Variants in SRSF7 observed in about 807,000 individuals in gnomAD.
SRSF7 encodes serine/arginine-rich splicing factor 7.
SRSF7 carries 15 observed loss-of-function variants against 42.2 expected under a neutral mutation model. That is an observed-to-expected ratio of 0.36 (90% CI 0.24 to 0.55). The LOEUF (loss-of-function observed/expected upper bound fraction) is 0.55, where lower values mean the gene tolerates loss of function less well. Ranked by LOEUF, SRSF7 falls within the 20% of genes least tolerant of loss-of-function variation. The probability of loss-of-function intolerance (pLI) is 0.88; values close to 1 mark genes in which losing one functional copy is unlikely to be tolerated. For missense variants in SRSF7, 181 were observed against 305.9 expected, an observed-to-expected ratio of 0.59 and a Z score of 3.04; for synonymous variants, 138 against 107.9, an observed-to-expected ratio of 1.28 and a Z score of -1.73.
Position 38,745,053 on chromosome 2 carries a change from G to A in SRSF7, c.*80C>T. 1.4e-6 allele frequency: 2 copies of A among 1,398,548 alleles called. No individual in the cohort carries two copies. Among genetic ancestry groups the A allele is most frequent in the Non-Finnish European group, 2.0e-6 (2 of 997,360 alleles). The allele number at this position is 1,398,548 out of a possible 1,614,324, so 86.6% of individuals were successfully genotyped here. A position where few individuals can be genotyped will look rare whatever the true frequency, so the allele number is the denominator to read the frequency against. On this transcript the variant is annotated 3_prime_UTR_variant, in exon 8 of 8. Coordinates refer to ENST00000313117, the MANE Select transcript of SRSF7 (RefSeq NM_001031684.3). ...TAGATGGTTGAATTATCTTTCCTAG[G>A]TTACACTTTACAGACATCACAAATC...
At chr2:38,748,293 T>C in intron 4 of SRSF7, 136 bp from the exon 5 acceptor site, 2 of 708,222 alleles carry the variant, frequency 2.8e-6, no homozygotes, top group South Asian at 3.7e-5. Context: ...CCCAGGAGCT[T>C]GAGACCAGCC....
Position 38,745,308 on chromosome 2 carries a change from T to G in SRSF7, c.663-121A>C, listed in dbSNP as rs1667200905. On this transcript the variant is annotated intron_variant, in intron 7 of 7. Coordinates refer to ENST00000313117, the MANE Select transcript of SRSF7 (RefSeq NM_001031684.3). Reference sequence around the variant, plus strand: ...GTACTAATTTCCTATAGCAAAGACCTAAAAATGACATGAAACTTACATATA... The same window carrying G: ...GTACTAATTTCCTATAGCAAAGACCGAAAAATGACATGAAACTTACATATA... The G allele has an allele frequency of 4.1e-6, 4 of 972,156 alleles. No individual in the cohort carries two copies. The South Asian group carries it at 5.9e-5, about 14-fold the overall frequency. 60.2% of individuals were successfully genotyped at this position (972,156 alleles called of 1,614,324 possible). A position where few individuals can be genotyped will look rare whatever the true frequency, so the allele number is the denominator to read the frequency against.
chr2:38,746,196 A>T lies in SRSF7; in HGVS notation c.627-17T>A. On this transcript the variant is annotated splice_polypyrimidine_tract_variant and intron_variant, in intron 6 of 7. Coordinates refer to ENST00000313117, the MANE Select transcript of SRSF7 (RefSeq NM_001031684.3). ...TTTGATCGGCTGTCAAAACATGAGAAATTCTATTAAAGAAAGAGTACTAAC... is the reference window on the plus strand; with the variant it reads ...TTTGATCGGCTGTCAAAACATGAGATATTCTATTAAAGAAAGAGTACTAAC... The T allele has an allele frequency of 6.2e-7, 1 of 1,613,934 alleles. No individual in the cohort carries two copies. The highest frequency in any genetic ancestry group is 1.1e-5 in the South Asian group (1 of 91,084).
At chr2:38,747,567 T>C (rs947322762) in intron 5 of SRSF7, among the ~76,000 whole-genome samples, 1 of 148,250 alleles carries the variant, frequency 6.7e-6, no homozygotes, top group African/African-American at 2.5e-5. Flanking sequence ...TGAAACGGTC[T>C]AAAAAAAAAA....
Position 38,747,014 on chromosome 2 carries a change from T to C in SRSF7, c.573-267A>G, listed in dbSNP as rs560855389. Reference sequence around the variant, plus strand: ...AACACTGTGTAATATCCAAGGGAAATACATGGTTTTCATTTGATGAGACTG... The same window carrying C: ...AACACTGTGTAATATCCAAGGGAAACACATGGTTTTCATTTGATGAGACTG... On this transcript the variant is annotated intron_variant, in intron 5 of 7. Coordinates refer to ENST00000313117, the MANE Select transcript of SRSF7 (RefSeq NM_001031684.3). 1.8e-5 allele frequency: 11 copies of C among 622,414 alleles called. No individual in the cohort carries two copies. In the East Asian group the frequency reaches 2.3e-4, roughly 13 times the overall value. The allele number at this position is 622,414 out of a possible 1,614,324, so 38.6% of individuals were successfully genotyped here.
intron 3 of SRSF7, 82 bp from the exon 4 acceptor site, chr2:38,748,735 T>C: frequency 3.5e-6 from 5 of 1,418,766 alleles, no homozygotes; most frequent in Non-Finnish European, 4.9e-6. Flanking sequence ...TGAAATCAAA[T>C]CTCAAAACTA....
intron 3 of SRSF7, chr2:38,748,924 T>G: frequency 1.5e-6 from 2 of 1,345,166 alleles, no homozygotes; most frequent in South Asian, 1.5e-5. Flanking sequence ...TCGACCCTCT[T>G]TGGCCCATGG....
At chr2:38,745,846 T>C (rs1442114265) in intron 7 of SRSF7, among the ~76,000 whole-genome samples, 2 of 152,156 alleles carry the variant, frequency 1.3e-5, no homozygotes, top group African/African-American at 2.4e-5. Flanking sequence ...CCACACTTTG[T>C]ATCTATTGTA....
In SRSF7 at chr2:38,746,761, G is replaced by A; in HGVS notation, c.573-14C>T. On this transcript the variant is annotated splice_polypyrimidine_tract_variant and intron_variant, in intron 5 of 7. Transcript: ENST00000313117. ...CTCGACGGGGATCTTAATAAAAAAA[G>A]TGAAAAACACAATTATATCAATCAG... The A allele has an allele frequency of 6.2e-7, 1 of 1,613,272 alleles. No homozygotes were observed. The highest frequency in any genetic ancestry group is 8.5e-7 in the Non-Finnish European group (1 of 1,179,840).
chr2:38,748,426 A>C (rs1667803374), intron 4 of SRSF7, among the ~76,000 whole-genome samples, 153 bp downstream of exon 4: 1 of 152,124 alleles, frequency 6.6e-6, no homozygotes, highest in Non-Finnish European at 1.5e-5. Flanking sequence ...AGAGATCATC[A>C]AGGCAGCAGT....
Position 38,751,299 on chromosome 2 carries a change from A to C in SRSF7, c.-43T>G. 1 of 1,613,850 alleles carries C rather than the reference A, an allele frequency of 6.2e-7. No individual in the cohort carries two copies. Among genetic ancestry groups the C allele is most frequent in the Middle Eastern group, 1.6e-4 (1 of 6,062 alleles). On this transcript the variant is annotated 5_prime_UTR_variant, in exon 1 of 8. Transcript: ENST00000313117. The stretch of plus-strand genomic sequence containing the variant: ...CTCGGCTCTTTAGCAAGCAGCGCCC[A>C]GGGCTCGAGTGACGCAAAAGCTGAC...
intron 3 of SRSF7, 102 bp from the exon 4 acceptor site, chr2:38,748,755 A>C: frequency 1.5e-6 from 2 of 1,337,628 alleles, no homozygotes; most frequent in Non-Finnish European, 2.1e-6. Flanking sequence ...ATTTAAATTT[A>C]GTGTCTCATT....
At chr2:38,748,479 C>A in intron 4 of SRSF7, 100 bp downstream of exon 4, 1 of 1,216,796 alleles carries the variant, frequency 8.2e-7, no homozygotes, top group Non-Finnish European at 1.2e-6. Context: ...GGTGACAGAG[C>A]AAGACCCTGT....
chr2:38,751,262 C>A lies in SRSF7; in HGVS notation c.-6G>T. The A allele has an allele frequency of 3.7e-6, 6 of 1,614,180 alleles. No individual in the cohort carries two copies. The African/African-American group carries it at 4.0e-5, about 11-fold the overall frequency. On this transcript the variant is annotated 5_prime_UTR_variant, in exon 1 of 8. Transcript: ENST00000313117. The stretch of plus-strand genomic sequence containing the variant: ...TACCGCCCGTAACGCGACATGATGA[C>A]AGACCCGCGTGCTCGGCTCTTTAGC...
intron 1 of SRSF7, chr2:38,750,931 G>T (rs1291062168): frequency 7.8e-6 from 3 of 383,324 alleles, no homozygotes; most frequent in South Asian, 5.8e-5. Context: ...GGCGGGGGGG[G>T]AGGGGGGCCG....
chr2:38,745,499 C>G (rs867719701), intron 7 of SRSF7, among the ~76,000 whole-genome samples: 2 of 151,950 alleles, frequency 1.3e-5, no homozygotes, highest in African/African-American at 4.8e-5. Flanking sequence ...ACTAGAAATA[C>G]AAAAAATTAG....
chr2:38,748,955 T>G, intron 3 of SRSF7: 1 of 1,314,012 alleles, frequency 7.6e-7, no homozygotes, highest in Non-Finnish European at 9.8e-7. Flanking sequence ...CTAGACGATC[T>G]AGAAGTATCT....
intron 3 of SRSF7, chr2:38,749,324 G>A: frequency 6.6e-7 from 1 of 1,515,980 alleles, no homozygotes; most frequent in Non-Finnish European, 8.9e-7. Flanking sequence ...CTGAATCAAG[G>A]CGACTGACTC....
At chr2:38,748,288 G>A (rs974711503) in intron 4 of SRSF7, 131 bp from the exon 5 acceptor site, 4 of 724,472 alleles carry the variant, frequency 5.5e-6, no homozygotes, top group African/African-American at 5.4e-5. Context: ...TTGAGCCCAG[G>A]AGCTTGAGAC....
Sources: allele counts gnomAD v4.1 joint callset (sites outside exome capture counted in the v4.1 genomes callset), GRCh38; gene constraint gnomAD v4.1.1; transcripts MANE v1.5; gene names NCBI Gene and HGNC (gene_info 2026-07-23, HGNC 2026-07-21).